The following SPTLC1 variants were observed in gnomAD, a reference collection of about 807,000 sequenced individuals.
SPTLC1 encodes the protein serine palmitoyltransferase 1.
Under a neutral mutation model 68.9 loss-of-function variants are expected in SPTLC1, and 55 were observed. The observed-to-expected ratio is 0.80, with a 90% CI of 0.64 to 1.00. The LOEUF is 1.00. SPTLC1 is among the 50% of genes least tolerant of loss of function. SPTLC1 has a pLI of 0.00. For missense variants in SPTLC1, 449 were observed against 573.1 expected (o/e 0.78, Z 2.21); for synonymous variants, 197 against 201.6 (o/e 0.98, Z 0.19).
intron 3 of SPTLC1, among the ~76,000 whole-genome samples, chr9:92,096,900 A>G: frequency 7.6e-6 from 1 of 132,410 alleles, no homozygotes; most frequent in East Asian, 1.9e-4. Flanking sequence ...CCACAGAATG[A>G]AAAAAAAAAT....
intron 3 of SPTLC1, among the ~76,000 whole-genome samples, chr9:92,100,259 G>C (rs1468576085): frequency 5.8e-4 from 88 of 152,280 alleles, no homozygotes; most frequent in Non-Finnish European, 8.8e-5. Flanking sequence ...TAGCAGCCTA[G>C]TTTAGGAAGC....
At chr9:92,104,154 T>C (rs1835865065) in intron 3 of SPTLC1, among the ~76,000 whole-genome samples, 1 of 152,176 alleles carries the variant, frequency 6.6e-6, no homozygotes, top group South Asian at 2.1e-4. Flanking sequence ...CGGAGTATCC[T>C]CTCCGCTTCT....
At chr9:92,056,051 C>T (rs979542578) in intron 7 of SPTLC1, among the ~76,000 whole-genome samples, 1 of 152,158 alleles carries the variant, frequency 6.6e-6, no homozygotes. Flanking sequence ...ACTGTGTTTC[C>T]TTCTTATATG....
At chr9:92,053,443 C>T (rs1833780230) in intron 8 of SPTLC1, among the ~76,000 whole-genome samples, 1 of 152,162 alleles carries the variant, frequency 6.6e-6, no homozygotes, top group South Asian at 2.1e-4. Context: ...AACAGGAATT[C>T]AAACAAATAC....
At chr9:92,032,629 G>A (rs368575586) in intron 14 of SPTLC1, 71 bp from the exon 15 acceptor site, 12 of 1,596,124 alleles carry the variant, frequency 7.5e-6, no homozygotes, top group Admixed American at 1.7e-5. Context: ...TGTAATCCCA[G>A]CACTTTGGAG....
intron 5 of SPTLC1, among the ~76,000 whole-genome samples, chr9:92,075,617 G>A (rs1437839668): frequency 2.6e-5 from 4 of 152,174 alleles, no homozygotes; most frequent in Non-Finnish European, 4.4e-5. Context: ...TGGCCGTCAT[G>A]CCTGCATGCC....
intron 6 of SPTLC1, among the ~76,000 whole-genome samples, 188 bp downstream of exon 6, chr9:92,067,778 T>C (rs752312381): frequency 3.9e-5 from 6 of 152,236 alleles, no homozygotes; most frequent in Non-Finnish European, 7.3e-5. Flanking sequence ...TAAATGACTA[T>C]AGACACCGTT....
rs188831998 is a variant in SPTLC1, at chr9:92,041,085, C to T, written c.1137-2720G>A. ...AGGGACAGAGCAATCACCAAGGTAG[C>T]CACGGTCTCCACTGTGTGCTTACAG... On this transcript the variant is annotated intron_variant, in intron 12 of 14. Transcript: ENST00000262554. Among the ~76,000 whole-genome samples the T allele has an allele frequency of 9.2e-5, 14 of 152,260 alleles. No individual in the cohort carries two copies. In the East Asian group the frequency reaches 2.7e-3, roughly 29 times the overall value.
rs1834001003 is a variant in SPTLC1 at position 92,059,180 on chromosome 9, T to G, written c.689A>C (p.Lys230Thr). The change falls in exon 7 of 15, where the codon AAG becomes ACG. Residue 230 changes from lysine to threonine, a missense_variant and splice_region_variant. This residue lies in a region of SPTLC1 where 391 missense variants were observed against 472.1 expected (regional missense o/e 0.83). Transcript: ENST00000262554. ...TAATTTTCTTCAAAAGAATCATACC[T>G]TTTGATCTTCGATCTCTTGTTCTTT... is the stretch of plus-strand genomic sequence containing the variant. ...LLKEQEIEDQ[K>T]NPRKARVTRR... 6.2e-7 allele frequency: 1 copy of G among 1,613,504 alleles called. No homozygotes were observed. The highest frequency in any genetic ancestry group is 8.5e-7 in the Non-Finnish European group (1 of 1,179,670).
intron 5 of SPTLC1, among the ~76,000 whole-genome samples, chr9:92,068,600 T>C (rs527352489): frequency 2.6e-5 from 4 of 152,344 alleles, no homozygotes; most frequent in African/African-American, 9.6e-5. Context: ...CATCACTTTC[T>C]GGGGCTGGGA....
chr9:92,065,341 T>A (rs891205992), intron 6 of SPTLC1, among the ~76,000 whole-genome samples: 4 of 152,196 alleles, frequency 2.6e-5, no homozygotes, highest in Admixed American at 6.5e-5. Flanking sequence ...GACAAATTTA[T>A]CAAAACCAAT....
At chr9:92,094,631 G>A (rs1334439104) in intron 3 of SPTLC1, among the ~76,000 whole-genome samples, 1 of 152,170 alleles carries the variant, frequency 6.6e-6, no homozygotes, top group Non-Finnish European at 1.5e-5. Flanking sequence ...CTCAAGTTCT[G>A]ATGCTGCAAC....
chr9:92,053,591 G>A (rs1833785172), intron 8 of SPTLC1, among the ~76,000 whole-genome samples: 1 of 152,188 alleles, frequency 6.6e-6, no homozygotes, highest in Non-Finnish European at 1.5e-5. Context: ...CATTAAAAAG[G>A]TATGAAATAC....
chr9:92,048,538 C>T (rs1445685957), intron 9 of SPTLC1, among the ~76,000 whole-genome samples: 1 of 152,080 alleles, frequency 6.6e-6, no homozygotes, highest in African/African-American at 2.4e-5. Flanking sequence ...ACAAAGAATC[C>T]CCATCACCCA....
chr9:92,082,683 A>G (rs1396339200), intron 3 of SPTLC1, among the ~76,000 whole-genome samples: 2 of 152,106 alleles, frequency 1.3e-5, no homozygotes, highest in Non-Finnish European at 2.9e-5. Context: ...TATTGTGAAT[A>G]GTGCCCCAAT....
At chr9:92,050,612 T>C (rs1384531547) in intron 8 of SPTLC1, 3 of 156,882 alleles carry the variant, frequency 1.9e-5, no homozygotes, top group African/African-American at 7.2e-5. Flanking sequence ...AAGTTTTGTG[T>C]CAACTGGTTG....
intron 3 of SPTLC1, among the ~76,000 whole-genome samples, chr9:92,084,714 T>A (rs1332028514): frequency 1.3e-5 from 2 of 151,926 alleles, no homozygotes; most frequent in Non-Finnish European, 2.9e-5. Flanking sequence ...TTTTTGGTTG[T>A]GTCTCTGCCC....
intron 1 of SPTLC1, among the ~76,000 whole-genome samples, chr9:92,113,784 T>C (rs1349404305): frequency 6.6e-6 from 1 of 152,222 alleles, no homozygotes; most frequent in African/African-American, 2.4e-5. Flanking sequence ...TCATTACCCC[T>C]ACCAGTAGAC....
chr9:92,114,808 T>G, intron 1 of SPTLC1: 1 of 158,628 alleles, frequency 6.3e-6, no homozygotes, highest in East Asian at 1.8e-4. Flanking sequence ...AGAAAACTGA[T>G]GTACGCAGAA....
Sources: allele counts gnomAD v4.1 joint callset (sites outside exome capture counted in the v4.1 genomes callset), GRCh38; gene constraint gnomAD v4.1.1; regional missense constraint gnomAD v4.1.1; transcripts MANE v1.5; gene names NCBI Gene and HGNC (gene_info 2026-07-23, HGNC 2026-07-21).